Variants in ADAMTSL1 observed in about 807,000 individuals in gnomAD.
The protein encoded by ADAMTSL1 is ADAMTS like 1.
Under a neutral mutation model 201.8 loss-of-function variants are expected in ADAMTSL1, and 126 were observed. The ratio of observed to expected loss-of-function variants is 0.62; its 90% CI spans 0.54 to 0.72. The LOEUF is 0.72. ADAMTSL1 is among the 30% of genes least tolerant of loss of function. The pLI, the probability that ADAMTSL1 is intolerant of heterozygous loss-of-function variation, is 0.00. For synonymous variants in ADAMTSL1, 1,121 were observed against 903.4 expected (o/e 1.24, Z -4.32); for missense variants, 2,679 against 2,277.8 (o/e 1.18, Z -3.59).
At chr9:18,798,486 T>C (rs1433821) in intron 20 of ADAMTSL1, among the ~76,000 whole-genome samples, 20,061 of 152,254 alleles carry the variant, frequency 0.13, 1,599 homozygotes, top group Admixed American at 0.23. Flanking sequence ...TGTTAGCTAT[T>C]ATTATTGAGA....
chr9:18,466,616 TTTTA>T (rs1401369058), intron 2 of ADAMTSL1, among the ~76,000 whole-genome samples: 2 of 152,164 alleles, frequency 1.3e-5, no homozygotes, highest in African/African-American at 4.8e-5. Context: ...ATATATGCAA[TTTTA>T]TTTGTCAATT....
chr9:18,647,480 G>T (rs921646239), intron 7 of ADAMTSL1, among the ~76,000 whole-genome samples: 5 of 151,950 alleles, frequency 3.3e-5, no homozygotes, highest in Non-Finnish European at 7.4e-5. Flanking sequence ...TGTGATATTA[G>T]GGTGTCAATT....
chr9:18,004,684 T>C (rs1347386608), intron 1 of ADAMTSL1, among the ~76,000 whole-genome samples: 1 of 152,074 alleles, frequency 6.6e-6, no homozygotes. Flanking sequence ...GTCAGTCTCC[T>C]GTAGGCTTTA....
chr9:18,076,525 G>A (rs1823233204), intron 1 of ADAMTSL1, among the ~76,000 whole-genome samples: 1 of 152,228 alleles, frequency 6.6e-6, no homozygotes, highest in Non-Finnish European at 1.5e-5. Flanking sequence ...GAGGAAAGGG[G>A]CTTCTCTAAG....
At chr9:18,675,390 T>C (rs1830077667) in intron 9 of ADAMTSL1, among the ~76,000 whole-genome samples, 1 of 152,206 alleles carries the variant, frequency 6.6e-6, no homozygotes, top group African/African-American at 2.4e-5. Flanking sequence ...TACATAGTAT[T>C]GTCAATTCTG....
rs548834372 is a variant in ADAMTSL1 at position 18,713,167 on chromosome 9, G to A, written c.1876+6119G>A. Reference sequence around the variant, plus strand: ...ATCATGCCAAAATGTAAAGACCATCGAGACTGGGAAGAAACTGCATCAACT... The same window carrying A: ...ATCATGCCAAAATGTAAAGACCATCAAGACTGGGAAGAAACTGCATCAACT... On this transcript the variant is annotated intron_variant, in intron 14 of 28. Coordinates refer to ENST00000380548, the MANE Select transcript of ADAMTSL1 (RefSeq NM_001040272.6). Among the ~76,000 whole-genome samples the A allele has an allele frequency of 7.7e-3, 1,161 of 151,054 alleles. 15 individuals are homozygous for A. Among genetic ancestry groups the A allele is most frequent in the African/African-American group, 0.027 (1,105 of 41,156 alleles).
At chr9:17,959,656 C>T (rs943255334) in intron 1 of ADAMTSL1, among the ~76,000 whole-genome samples, 2 of 152,042 alleles carry the variant, frequency 1.3e-5, no homozygotes, top group African/African-American at 4.8e-5. Flanking sequence ...CAGTGTTTCA[C>T]CATTGTCCAG....
At position 18,139,659 on chromosome 9, in the gene ADAMTSL1, A is replaced by G. The variant is rs75898266; in HGVS notation, c.88-24203A>G. On this transcript the variant is annotated intron_variant, in intron 1 of 29. Coordinates refer to the ADAMTSL1 transcript ENST00000680146. ...CCATGCTACATATACAAAATAACCCATATAGCTATCCTATGTGACTGCTAT... is the reference window on the plus strand; with the variant it reads ...CCATGCTACATATACAAAATAACCCGTATAGCTATCCTATGTGACTGCTAT... 7.3e-3 allele frequency among the ~76,000 whole-genome samples: 1,118 copies of G among 152,288 alleles called. 14 individuals are homozygous for G. Among genetic ancestry groups the G allele is most frequent in the African/African-American group, 0.025 (1,051 of 41,568 alleles).
intron 2 of ADAMTSL1, among the ~76,000 whole-genome samples, chr9:18,175,841 A>G (rs1236925499): frequency 6.6e-6 from 1 of 151,852 alleles, no homozygotes; most frequent in Non-Finnish European, 1.5e-5. Context: ...CTCTACACAG[A>G]TATGGAGAAT....
intron 1 of ADAMTSL1, among the ~76,000 whole-genome samples, chr9:18,135,296 ATAAACT>A (rs1197621471): frequency 6.6e-6 from 1 of 152,198 alleles, no homozygotes; most frequent in Non-Finnish European, 1.5e-5. Context: ...GTTTTCAAGG[ATAAACT>A]TAAACACAAA....
At chr9:18,877,633 G>A (rs892538203) in intron 23 of ADAMTSL1, among the ~76,000 whole-genome samples, 1 of 152,200 alleles carries the variant, frequency 6.6e-6, no homozygotes, top group Non-Finnish European at 1.5e-5. Flanking sequence ...GGTGGCAGTA[G>A]AAGGGGAGTG....
At chr9:18,636,349 C>A (rs146629928) in intron 6 of ADAMTSL1, among the ~76,000 whole-genome samples, 128 of 152,080 alleles carry the variant, frequency 8.4e-4, no homozygotes, top group Middle Eastern at 3.4e-3. Flanking sequence ...TTTGCCTTGC[C>A]TCTCCTTTTT....
intron 2 of ADAMTSL1, among the ~76,000 whole-genome samples, chr9:18,277,098 C>T (rs1049181962): frequency 1.3e-5 from 2 of 152,150 alleles, no homozygotes; most frequent in African/African-American, 4.8e-5. Context: ...ACTATAGTGG[C>T]TAGAAAAGAT....
At chr9:18,301,196 C>T (rs1369985463) in intron 2 of ADAMTSL1, among the ~76,000 whole-genome samples, 1 of 152,064 alleles carries the variant, frequency 6.6e-6, no homozygotes, top group Non-Finnish European at 1.5e-5. Context: ...GACACACATT[C>T]ATTATAAAGT....
At chr9:18,660,930 C>G (rs1267237007) in intron 8 of ADAMTSL1, among the ~76,000 whole-genome samples, 1 of 152,150 alleles carries the variant, frequency 6.6e-6, no homozygotes, top group South Asian at 2.1e-4. Context: ...TTGCAAGTCC[C>G]TTAATGATTT....
In ADAMTSL1 at chr9:18,278,536, G is replaced by T. The variant is rs112308144; in HGVS notation, c.207+114555G>T. On this transcript the variant is annotated intron_variant, in intron 2 of 29. Transcript: ENST00000680146. ...AAATCCACTGATAGTCTTATGGAGA[G>T]TCCCTTACATGTGACTAGTTGCTTT... is the stretch of plus-strand genomic sequence containing the variant. Among the ~76,000 whole-genome samples, 954 of 152,262 alleles carry T rather than the reference G, an allele frequency of 6.3e-3. 9 individuals are homozygous for T. Among genetic ancestry groups the T allele is most frequent in the African/African-American group, 0.022 (923 of 41,550 alleles).
chr9:18,328,534 T>C (rs1444655795), intron 2 of ADAMTSL1, among the ~76,000 whole-genome samples: 2 of 152,160 alleles, frequency 1.3e-5, no homozygotes, highest in Non-Finnish European at 2.9e-5. Flanking sequence ...GATGAGGAAA[T>C]TGAGGCATGG....
chr9:17,913,925 A>C (rs1260826753), intron 1 of ADAMTSL1, among the ~76,000 whole-genome samples: 19 of 152,368 alleles, frequency 1.2e-4, no homozygotes, highest in South Asian at 4.1e-4. Context: ...ATCTAGAAGA[A>C]ATGGATAAAT....
At chr9:18,729,563 C>G (rs908911298) in intron 15 of ADAMTSL1, among the ~76,000 whole-genome samples, 1 of 152,200 alleles carries the variant, frequency 6.6e-6, no homozygotes, top group Non-Finnish European at 1.5e-5. Flanking sequence ...TACAAATATC[C>G]TGCATCCGTC....
Sources: gnomAD v4.1 joint callset for allele counts (sites outside exome capture counted in the v4.1 genomes callset) on GRCh38, gnomAD v4.1.1 for gene constraint, MANE v1.5 for transcripts, NCBI Gene and HGNC (gene_info 2026-07-23, HGNC 2026-07-21) for gene names.